PTPRT: variants seen among roughly 807,000 people sequenced by gnomAD.
The protein encoded by PTPRT is protein tyrosine phosphatase receptor type T, also known as receptor-type tyrosine-protein phosphatase T.
In PTPRT, 56 loss-of-function variants were observed where a neutral mutation model predicts 176.8. The ratio of observed to expected loss-of-function variants is 0.32; its 90% CI spans 0.26 to 0.40. The LOEUF is 0.40. Ranked by LOEUF, PTPRT falls within the 10% of genes least tolerant of loss-of-function variation. PTPRT has a pLI of 1.00. For missense variants in PTPRT, 1,540 were observed against 1,908.2 expected (o/e 0.81, Z 3.60); for synonymous variants, 783 against 739.0 (o/e 1.06, Z -0.96).
intron 1 of PTPRT, among the ~76,000 whole-genome samples, chr20:43,148,856 G>A (rs2014254432): frequency 6.6e-6 from 1 of 152,128 alleles, no homozygotes; most frequent in Non-Finnish European, 1.5e-5. Context: ...AATAAGATGG[G>A]CTTTACTCTC....
rs932120360 is a variant in PTPRT at position 42,073,191 on chromosome 20, C to T, written c.*7688G>A. ...AGATGTCAGCCTCCCTGGAGTTGAG[C>T]GGGAACCTTGGGATAGCTTGTGAGG... On this transcript the variant is annotated 3_prime_UTR_variant, in exon 31 of 31. Transcript: ENST00000373187. 5.8e-5 allele frequency: 11 copies of T among 190,924 alleles called. No homozygotes were observed. Among genetic ancestry groups the T allele is most frequent in the South Asian group, 1.9e-4 (1 of 5,164 alleles). 11.8% of individuals were successfully genotyped at this position (190,924 alleles called of 1,614,324 possible).
chr20:42,493,995 G>A (rs2071605934), intron 7 of PTPRT, among the ~76,000 whole-genome samples: 1 of 152,030 alleles, frequency 6.6e-6, no homozygotes, highest in Non-Finnish European at 1.5e-5. Context: ...TTCCAGAAAA[G>A]TCTTACCCTA....
At chr20:42,395,544 T>C (rs1029282843) in intron 9 of PTPRT, among the ~76,000 whole-genome samples, 8 of 152,176 alleles carry the variant, frequency 5.3e-5, no homozygotes, top group Non-Finnish European at 1.0e-4. Flanking sequence ...TCAGAGAACA[T>C]CTTCAGGTAC....
At chr20:42,506,587 T>A (rs1283110100) in intron 7 of PTPRT, among the ~76,000 whole-genome samples, 3 of 152,178 alleles carry the variant, frequency 2.0e-5, no homozygotes, top group Non-Finnish European at 2.9e-5. Context: ...TTGTGAACAA[T>A]GTTGCACAAT....
chr20:42,475,292 T>G (rs2145304658), intron 7 of PTPRT, among the ~76,000 whole-genome samples: 1 of 152,304 alleles, frequency 6.6e-6, no homozygotes, highest in African/African-American at 2.4e-5. Context: ...GGTTTTGAAC[T>G]TGTGTCTGCC....
chr20:43,127,240 G>A (rs1440578117), intron 1 of PTPRT, among the ~76,000 whole-genome samples: 7 of 151,882 alleles, frequency 4.6e-5, no homozygotes, highest in Admixed American at 1.3e-4. Flanking sequence ...TGGCTAACAT[G>A]GTGAAACCCT....
intron 1 of PTPRT, among the ~76,000 whole-genome samples, chr20:42,985,234 C>G (rs1170646720): frequency 6.6e-6 from 1 of 152,154 alleles, no homozygotes; most frequent in Non-Finnish European, 1.5e-5. Context: ...TGGTGGCTCA[C>G]ACCTGTAATC....
chr20:42,687,871 T>C (rs1465651529), intron 6 of PTPRT: 1 of 152,198 alleles, frequency 6.6e-6, no homozygotes, highest in Admixed American at 6.5e-5. Context: ...CAAATAACAT[T>C]CTCATAATGT....
intron 7 of PTPRT, among the ~76,000 whole-genome samples, chr20:42,487,399 T>C (rs763868431): frequency 2.0e-5 from 3 of 152,044 alleles, no homozygotes; most frequent in Admixed American, 6.6e-5. Context: ...AAATCAAAAC[T>C]CTACAGTAGG....
At chr20:42,471,955 C>T (rs879340494) in intron 8 of PTPRT, among the ~76,000 whole-genome samples, 1 of 152,138 alleles carries the variant, frequency 6.6e-6, no homozygotes, top group African/African-American at 2.4e-5. Flanking sequence ...CACACCTGGC[C>T]ACAGGTATTT....
chr20:43,080,907 A>G (rs2011423599), intron 1 of PTPRT, among the ~76,000 whole-genome samples: 1 of 152,254 alleles, frequency 6.6e-6, no homozygotes, highest in Non-Finnish European at 1.5e-5. Context: ...GCACCATTCC[A>G]TGAGCAAGAA....
intron 12 of PTPRT, among the ~76,000 whole-genome samples, chr20:42,307,850 G>A (rs1306452849): frequency 1.3e-5 from 2 of 152,156 alleles, no homozygotes. Flanking sequence ...ATGAGATACA[G>A]GTCATGAAGA....
intron 1 of PTPRT, among the ~76,000 whole-genome samples, chr20:43,028,931 G>A (rs563857708): frequency 6.6e-6 from 1 of 152,308 alleles, no homozygotes; most frequent in South Asian, 2.1e-4. Flanking sequence ...AACAGAGTCA[G>A]GCTTCTCAGA....
intron 7 of PTPRT, among the ~76,000 whole-genome samples, chr20:42,495,900 C>T (rs1358120818): frequency 5.9e-5 from 9 of 152,160 alleles, no homozygotes; most frequent in Admixed American, 4.6e-4. Flanking sequence ...CTCCCACCCC[C>T]ACACAGTTGA....
chr20:42,913,072 T>C lies in PTPRT; in HGVS notation c.89-27140A>G, dbSNP rs111588821. Among the ~76,000 whole-genome samples the C allele has an allele frequency of 4.7e-3, 717 of 152,162 alleles. 6 individuals are homozygous for C. Among genetic ancestry groups the C allele is most frequent in the African/African-American group, 0.016 (680 of 41,534 alleles). On this transcript the variant is annotated intron_variant, in intron 1 of 30. Coordinates refer to ENST00000373187, the MANE Select transcript of PTPRT (RefSeq NM_007050.6). ...TCCATCAGTAAAATAGAAACAATCATCTCTTCTTTACAAAATTGCTGTAAA... is the reference window on the plus strand; with the variant it reads ...TCCATCAGTAAAATAGAAACAATCACCTCTTCTTTACAAAATTGCTGTAAA...
chr20:42,920,465 A>T (rs899004748), intron 1 of PTPRT, among the ~76,000 whole-genome samples: 2 of 151,614 alleles, frequency 1.3e-5, no homozygotes, highest in Non-Finnish European at 2.9e-5. Flanking sequence ...AAGGGGAGGG[A>T]CTCTATATCT....
intron 15 of PTPRT, among the ~76,000 whole-genome samples, chr20:42,226,706 T>C (rs558119107): frequency 6.6e-6 from 1 of 152,212 alleles, no homozygotes; most frequent in Admixed American, 6.5e-5. Flanking sequence ...GTAAACCCAA[T>C]CCTGCCTTGG....
At chr20:42,033,174 G>C in the PTPRT span, among the ~76,000 whole-genome samples, 1 of 152,262 alleles carries the variant, frequency 6.6e-6, no homozygotes, top group South Asian at 2.1e-4. Context: ...TCACTCTGCA[G>C]ACATTTTGGT....
chr20:42,951,179 G>T (rs942581000), intron 1 of PTPRT, among the ~76,000 whole-genome samples: 2 of 152,050 alleles, frequency 1.3e-5, no homozygotes, highest in African/African-American at 4.8e-5. Context: ...TAGATGGATG[G>T]GTAAACAGGA....
Sources: allele counts gnomAD v4.1 joint callset (sites outside exome capture counted in the v4.1 genomes callset), GRCh38; gene constraint gnomAD v4.1.1; transcripts MANE v1.5; gene names NCBI Gene and HGNC (gene_info 2026-07-23, HGNC 2026-07-21).